Variants in NR2C1 observed in about 807,000 individuals in gnomAD.
The protein encoded by NR2C1 is TR2 nuclear hormone receptor.
A neutral mutation model predicts 74.8 loss-of-function variants in NR2C1; 33 were observed. That is an observed-to-expected ratio of 0.44 (90% confidence interval 0.33 to 0.59). NR2C1 has a LOEUF of 0.59. Ranked by LOEUF, NR2C1 falls within the 20% of genes least tolerant of loss-of-function variation. The pLI, the probability that NR2C1 is intolerant of heterozygous loss-of-function variation, is 0.02. For synonymous variants in NR2C1, 225 were observed against 240.6 expected, an observed-to-expected ratio of 0.94 and a Z score of 0.60; for missense variants, 568 against 715.6, an observed-to-expected ratio of 0.79 and a Z score of 2.35.
intron 7 of NR2C1, among the ~76,000 whole-genome samples, chr12:95,054,904 G>C (rs542253800): frequency 2.0e-5 from 3 of 152,152 alleles, no homozygotes; most frequent in African/African-American, 7.2e-5. Flanking sequence ...ACCCTGCAGC[G>C]TTCCACAGTG....
At chr12:95,032,893 G>A (rs1219918366) in intron 10 of NR2C1, among the ~76,000 whole-genome samples, 3 of 152,084 alleles carry the variant, frequency 2.0e-5, no homozygotes, top group Admixed American at 6.6e-5. Flanking sequence ...CCTAAGCCTG[G>A]GGAAGTTGAG....
In NR2C1 at chr12:95,022,415, A is replaced by G. The variant is rs774985191; in HGVS notation, c.1638-12T>C. On this transcript the variant is annotated splice_polypyrimidine_tract_variant and intron_variant, in intron 13 of 13. Coordinates refer to ENST00000333003, the MANE Select transcript of NR2C1 (RefSeq NM_003297.4). ...GTAGTCTGGATAACCTAAAAAAAGA[A>G]AGAAAAAAGGGAGAGGAACAAGGTT... is the stretch of plus-strand genomic sequence containing the variant. 2 of 1,593,610 alleles carry G rather than the reference A, an allele frequency of 1.3e-6. No individual in the cohort carries two copies. Among genetic ancestry groups the G allele is most frequent in the East Asian group, 2.2e-5 (1 of 44,660 alleles).
At chr12:95,033,117 G>T (rs1870363616) in intron 10 of NR2C1, among the ~76,000 whole-genome samples, 1 of 149,362 alleles carries the variant, frequency 6.7e-6, no homozygotes, top group Non-Finnish European at 1.5e-5. Context: ...CTGCACTCCA[G>T]CCTCTAACCT....
chr12:95,060,345 T>C (rs115625678), intron 3 of NR2C1, among the ~76,000 whole-genome samples: 2,347 of 152,292 alleles, frequency 0.015, 70 homozygotes, highest in African/African-American at 0.054. Context: ...CAAAGGAAAC[T>C]AGTTTCTTCT....
chr12:95,062,029 A>G (rs980421275), intron 3 of NR2C1, among the ~76,000 whole-genome samples: 48 of 152,326 alleles, frequency 3.2e-4, no homozygotes, highest in African/African-American at 1.1e-3. Context: ...CTATAGTCCA[A>G]ACTTCTTGAT....
intron 1 of NR2C1, among the ~76,000 whole-genome samples, chr12:95,069,940 G>T (rs974258061): frequency 6.6e-6 from 1 of 152,062 alleles, no homozygotes; most frequent in Non-Finnish European, 1.5e-5. Context: ...CTGACCCTGG[G>T]ATAGGATAAT....
In NR2C1 at chr12:95,049,114, G is replaced by C. The variant is rs1221694803; in HGVS notation, c.1085C>G (p.Thr362Ser). ...GCTGAGAAGTGGCCCCTCTTTTTCGGTGTAATTTATGCTTGAATCTCCAGT... is the reference window on the plus strand; with the variant it reads ...GCTGAGAAGTGGCCCCTCTTTTTCGCTGTAATTTATGCTTGAATCTCCAGT... The part of the protein sequence containing the change: ...LITGDSSINY[T>S]EKEGPLLSDS... The change falls in exon 9 of 14, where the codon ACC becomes AGC. Residue 362 changes from threonine to serine, a missense_variant. Physicochemically the swap from Thr to Ser is moderately conservative, Grantham distance 58 (BLOSUM62 1). Around this residue, in one of 6 missense-constraint regions of NR2C1, gnomAD observed 239 missense variants for 232.3 expected, o/e 1.03. Coordinates refer to ENST00000333003, the MANE Select transcript of NR2C1 (RefSeq NM_003297.4). The C allele has an allele frequency of 6.2e-7, 1 of 1,613,716 alleles. No individual in the cohort carries two copies. The highest frequency in any genetic ancestry group is 8.5e-7 in the Non-Finnish European group (1 of 1,179,878).
intron 13 of NR2C1, among the ~76,000 whole-genome samples, chr12:95,024,221 TTTTA>T (rs149057040): frequency 0.045 from 6,793 of 152,286 alleles, 205 homozygotes; most frequent in Middle Eastern, 0.095. Flanking sequence ...TAATAAAATG[TTTTA>T]TTTATTATAA....
intron 7 of NR2C1, among the ~76,000 whole-genome samples, chr12:95,056,667 A>G (rs1873924328): frequency 1.3e-5 from 2 of 152,262 alleles, no homozygotes; most frequent in Admixed American, 1.3e-4. Flanking sequence ...AGAAATATTA[A>G]GAATTGTACG....
intron 2 of NR2C1, among the ~76,000 whole-genome samples, chr12:95,065,743 A>G (rs1875586649): frequency 6.6e-6 from 1 of 152,008 alleles, no homozygotes; most frequent in African/African-American, 2.4e-5. Flanking sequence ...TGAGGTCAGG[A>G]GTTTGAGACC....
At chr12:95,042,219 C>CTTTT (rs1212588554) in intron 9 of NR2C1, among the ~76,000 whole-genome samples, 1 of 125,858 alleles carries the variant, frequency 7.9e-6, no homozygotes, top group African/African-American at 3.0e-5. Context: ...TCAAAGGTAT[C>CTTTT]TTTTTTTTTT....
intron 10 of NR2C1, among the ~76,000 whole-genome samples, chr12:95,038,030 T>A (rs1292067977): frequency 6.6e-6 from 1 of 151,828 alleles, no homozygotes; most frequent in Admixed American, 6.6e-5. Flanking sequence ...ATAAATAAGA[T>A]CTATGAATCA....
chr12:95,039,095 G>C (rs1167307737), intron 10 of NR2C1, among the ~76,000 whole-genome samples: 1 of 152,006 alleles, frequency 6.6e-6, no homozygotes, highest in Non-Finnish European at 1.5e-5. Context: ...CAGAAAACTA[G>C]AGAAATGCTG....
chr12:95,025,605 C>A (rs889031448), intron 12 of NR2C1, among the ~76,000 whole-genome samples: 5 of 145,476 alleles, frequency 3.4e-5, no homozygotes, highest in Admixed American at 7.2e-5. Flanking sequence ...TTGCTGTGAG[C>A]CGAGACAGCG....
intron 9 of NR2C1, among the ~76,000 whole-genome samples, chr12:95,041,745 C>T (rs929911319): frequency 6.6e-6 from 1 of 151,952 alleles, no homozygotes; most frequent in Non-Finnish European, 1.5e-5. Flanking sequence ...ATTAGTCTAC[C>T]ATCTACCAAA....
At chr12:95,048,953 A>G in intron 9 of NR2C1, 115 bp downstream of exon 9, 1 of 983,518 alleles carries the variant, frequency 1.0e-6, no homozygotes, top group South Asian at 1.6e-5. Context: ...CTGTTCTGAA[A>G]TTCTATCAGG....
chr12:95,035,203 A>T (rs898356328), intron 10 of NR2C1, among the ~76,000 whole-genome samples: 4 of 152,222 alleles, frequency 2.6e-5, no homozygotes, highest in African/African-American at 9.6e-5. Flanking sequence ...GTATGTATTT[A>T]ATTGTCTAAT....
intron 2 of NR2C1, chr12:95,067,042 A>T (rs1875820075): frequency 2.4e-6 from 1 of 416,474 alleles, no homozygotes; most frequent in Non-Finnish European, 4.2e-6. Context: ...TTCCCTCAAA[A>T]GCATTCCTAC....
intron 11 of NR2C1, among the ~76,000 whole-genome samples, chr12:95,028,826 A>G (rs1411575213): frequency 6.6e-6 from 1 of 152,030 alleles, no homozygotes; most frequent in Non-Finnish European, 1.5e-5. Flanking sequence ...ATGGGGTTTC[A>G]CTATGTTGCC....
Sources: allele counts gnomAD v4.1 joint callset (sites outside exome capture counted in the v4.1 genomes callset), GRCh38; gene constraint gnomAD v4.1.1; regional missense constraint gnomAD v4.1.1; transcripts MANE v1.5; gene names NCBI Gene and HGNC (gene_info 2026-07-23, HGNC 2026-07-21).